Variants in PLD5 observed in about 807,000 individuals in gnomAD.
The protein encoded by PLD5 is phospholipase D family member 5.
Under a neutral mutation model 61.1 loss-of-function variants are expected in PLD5, and 36 were observed. The ratio of observed to expected loss-of-function variants is 0.59; its 90% CI spans 0.45 to 0.78. The LOEUF is 0.78. Ranked by LOEUF, PLD5 falls within the 30% of genes least tolerant of loss-of-function variation. The pLI, the probability that PLD5 is intolerant of heterozygous loss-of-function variation, is 0.00. For missense variants in PLD5, 515 were observed against 644.4 expected, an observed-to-expected ratio of 0.80 and a Z score of 2.17; for synonymous variants, 243 against 242.8, an observed-to-expected ratio of 1.00 and a Z score of -0.01.
intron 4 of PLD5, among the ~76,000 whole-genome samples, chr1:242,254,976 C>T (rs1224444924): frequency 6.6e-6 from 1 of 152,170 alleles, no homozygotes; most frequent in African/African-American, 2.4e-5. Context: ...CAGCAGCCTT[C>T]AGGCAATCAA....
intron 5 of PLD5, chr1:242,147,605 C>T (rs1054002749): frequency 2.5e-4 from 38 of 152,170 alleles, no homozygotes; most frequent in African/African-American, 9.2e-4. Context: ...TCCAGTGTGT[C>T]TGCACCATTT....
intron 3 of PLD5, among the ~76,000 whole-genome samples, chr1:242,276,216 T>C (rs1467482173): frequency 6.6e-6 from 1 of 151,028 alleles, no homozygotes; most frequent in Non-Finnish European, 1.5e-5. Flanking sequence ...CACAGACCTA[T>C]AGTTCTAGCT....
At chr1:242,442,640 T>C (rs921312094) in intron 1 of PLD5, among the ~76,000 whole-genome samples, 5 of 152,194 alleles carry the variant, frequency 3.3e-5, no homozygotes, top group African/African-American at 1.2e-4. Flanking sequence ...TGTACATCTA[T>C]GATTTGTGCA....
intron 4 of PLD5, among the ~76,000 whole-genome samples, chr1:242,246,448 G>GC: frequency 6.9e-6 from 1 of 144,604 alleles, no homozygotes; most frequent in Non-Finnish European, 1.5e-5. Context: ...TGAGTTTTCA[G>GC]CCCCCACCCT....
intron 9 of PLD5, among the ~76,000 whole-genome samples, chr1:242,091,098 A>C (rs1223638202): frequency 6.6e-6 from 1 of 151,920 alleles, no homozygotes; most frequent in Non-Finnish European, 1.5e-5. Context: ...CCCTCTATGC[A>C]TGTCTCTGTC....
chr1:242,306,260 T>TA (rs34743242), intron 2 of PLD5, among the ~76,000 whole-genome samples: 135,234 of 148,720 alleles, frequency 0.91, 61,481 homozygotes, highest in East Asian at 0.95. Flanking sequence ...GCTTGGCAGG[T>TA]AGTAAAGATT....
chr1:242,302,353 C>T (rs4039095), intron 2 of PLD5, among the ~76,000 whole-genome samples: 120,379 of 152,104 alleles, frequency 0.79, 48,955 homozygotes, highest in Non-Finnish European at 0.89. Context: ...GTCTCGTCAC[C>T]TCTCCAAAAA....
chr1:242,253,053 G>A (rs1438758745), intron 4 of PLD5, among the ~76,000 whole-genome samples: 1 of 149,988 alleles, frequency 6.7e-6, no homozygotes, highest in Non-Finnish European at 1.5e-5. Flanking sequence ...CTGACCTCAT[G>A]ATCCGCTTGC....
chr1:242,102,915 G>T (rs796401233), intron 8 of PLD5, among the ~76,000 whole-genome samples: 2 of 152,160 alleles, frequency 1.3e-5, no homozygotes, highest in African/African-American at 2.4e-5. Context: ...GTACTGTAAA[G>T]GTTGCAATGA....
At chr1:242,251,052 A>G (rs1408868819) in intron 4 of PLD5, among the ~76,000 whole-genome samples, 1 of 152,198 alleles carries the variant, frequency 6.6e-6, no homozygotes, top group Non-Finnish European at 1.5e-5. Flanking sequence ...ACTTAATGGA[A>G]GAAGAACATG....
chr1:242,405,375 T>C (rs1664177820), intron 1 of PLD5, among the ~76,000 whole-genome samples: 1 of 152,108 alleles, frequency 6.6e-6, no homozygotes, highest in African/African-American at 2.4e-5. Flanking sequence ...GCGGCTAGCA[T>C]TCAGTGGGTA....
At chr1:242,183,434 G>A (rs753932837) in intron 5 of PLD5, among the ~76,000 whole-genome samples, 119 of 152,172 alleles carry the variant, frequency 7.8e-4, no homozygotes, top group African/African-American at 1.5e-3. Context: ...ACCCACCGCC[G>A]GTCATGGTGC....
intron 3 of PLD5, among the ~76,000 whole-genome samples, chr1:242,278,744 T>C (rs1674553105): frequency 6.6e-6 from 1 of 152,204 alleles, no homozygotes; most frequent in African/African-American, 2.4e-5. Context: ...CTTATTTGAT[T>C]TTCTATCCCC....
In PLD5 at chr1:242,307,362, G is replaced by GTGA. The variant is rs71176746; in HGVS notation, c.327-18835_327-18833dup. 3.2e-3 allele frequency among the ~76,000 whole-genome samples: 483 copies of GTGA among 149,348 alleles called. 2 individuals carry two copies. Among genetic ancestry groups the GTGA allele is most frequent in the East Asian group, 1.0e-2 (50 of 5,018 alleles). ...AACGATGATGACGGTGATGATGATG[G>GTGA]TGATGATGATGATGATGATGATGAT... On this transcript the variant is annotated intron_variant, in intron 2 of 9. Transcript: ENST00000536534.
At chr1:242,341,821 TAGACTG>T (rs370474707) in intron 2 of PLD5, among the ~76,000 whole-genome samples, 3 of 143,362 alleles carry the variant, frequency 2.1e-5, no homozygotes, top group Admixed American at 7.2e-5. Context: ...TACAGATAGA[TAGACTG>T]AGTTGTTCCG....
chr1:242,159,352 C>T (rs316841), intron 5 of PLD5, among the ~76,000 whole-genome samples: 70,854 of 151,818 alleles, frequency 0.47, 17,988 homozygotes, highest in African/African-American at 0.67. Context: ...GGGTGAGACA[C>T]GGTTTGCAAG....
At chr1:242,239,652 C>G (rs1053356371) in intron 4 of PLD5, among the ~76,000 whole-genome samples, 2 of 152,154 alleles carry the variant, frequency 1.3e-5, no homozygotes, top group Admixed American at 6.5e-5. Flanking sequence ...CCTGACTGCA[C>G]AGCAGGTTCT....
Position 242,515,199 on chromosome 1 carries a change from C to CGTGTGTGT in PLD5, c.189+8881_189+8888dup, listed in dbSNP as rs139035471. Among the ~76,000 whole-genome samples the CGTGTGTGT allele has an allele frequency of 8.0e-5, 12 of 149,138 alleles. No homozygotes were observed. The East Asian group carries it at 1.8e-3, about 22-fold the overall frequency. On this transcript the variant is annotated intron_variant, in intron 1 of 9. Coordinates refer to ENST00000536534, the MANE Select transcript of PLD5 (RefSeq NM_001372062.1). ...TGCTTCAGCTTTGCCTTTGTGTGTGCGTGTGTGTGTGTGTGTGTGTGAGAG... is the reference window on the plus strand; with the variant it reads ...TGCTTCAGCTTTGCCTTTGTGTGTGCGTGTGTGTGTGTGTGTGTGTGTGTGTGTGAGAG...
At chr1:242,383,846 C>G (rs1662443471) in intron 1 of PLD5, among the ~76,000 whole-genome samples, 2 of 152,288 alleles carry the variant, frequency 1.3e-5, no homozygotes, top group African/African-American at 4.8e-5. Context: ...CTGCATTTTC[C>G]TGAGGTTTCT....
Sources: allele counts gnomAD v4.1 joint callset (sites outside exome capture counted in the v4.1 genomes callset), GRCh38; gene constraint gnomAD v4.1.1; transcripts MANE v1.5; gene names NCBI Gene and HGNC (gene_info 2026-07-23, HGNC 2026-07-21).